Variants in NELL2 observed in about 807,000 individuals in gnomAD.
NELL2 encodes protein kinase C-binding protein NELL2.
NELL2 carries 41 observed loss-of-function variants against 109.6 expected under a neutral mutation model. The observed-to-expected ratio is 0.37, with a 90% CI of 0.29 to 0.49. The LOEUF (loss-of-function observed/expected upper bound fraction) is 0.49. Among genes scored for constraint, NELL2 ranks in the 20% least tolerant of loss-of-function variants. The pLI is 0.98. For missense variants in NELL2, 900 were observed against 1,008.3 expected (o/e 0.89, Z 1.45); for synonymous variants, 355 against 344.7 (o/e 1.03, Z -0.33).
At chr12:44,829,786 T>C (rs1361643825) in intron 2 of NELL2, among the ~76,000 whole-genome samples, 1 of 152,054 alleles carries the variant, frequency 6.6e-6, no homozygotes, top group Admixed American at 6.5e-5. Flanking sequence ...CCATAGATAG[T>C]ACCTGGTTAT....
intron 9 of NELL2, among the ~76,000 whole-genome samples, chr12:44,742,479 A>G (rs984297025): frequency 6.6e-6 from 1 of 152,230 alleles, no homozygotes; most frequent in African/African-American, 2.4e-5. Flanking sequence ...ACGAGTTGAG[A>G]GAAGAAGGCT....
intron 12 of NELL2, among the ~76,000 whole-genome samples, chr12:44,696,540 A>ATGAATGTTATGAAT (rs938207189): frequency 6.6e-6 from 1 of 152,250 alleles, no homozygotes; most frequent in African/African-American, 2.4e-5. Flanking sequence ...TTAATAAATA[A>ATGAATGTTATGAAT]TGAATGTTAT....
intron 15 of NELL2, among the ~76,000 whole-genome samples, chr12:44,538,966 T>C (rs767693757): frequency 6.6e-6 from 1 of 152,178 alleles, no homozygotes; most frequent in Non-Finnish European, 1.5e-5. Context: ...ATGTTCTTTT[T>C]CTCATCCTCT....
chr12:44,708,793 G>A (rs1938031070), intron 11 of NELL2, among the ~76,000 whole-genome samples: 1 of 152,134 alleles, frequency 6.6e-6, no homozygotes, highest in Admixed American at 6.6e-5. Flanking sequence ...AAATAGTAAT[G>A]CCAAGGCCCC....
At chr12:44,700,106 ACAT>A (rs1331894216) in intron 12 of NELL2, among the ~76,000 whole-genome samples, 38 of 152,272 alleles carry the variant, frequency 2.5e-4, no homozygotes, top group Middle Eastern at 3.4e-3. Context: ...AGCAGCACCA[ACAT>A]CTGCCTATTT....
At position 44,876,086 on chromosome 12, in the gene NELL2, C is replaced by A; in HGVS notation, c.-217G>T. ...TAGACCCTCCAATGCGCACATCATT[C>A]CCACACGCAGGGCCGAGGCGGCAGC... On this transcript the variant is annotated 5_prime_UTR_variant, in exon 1 of 20. Coordinates refer to ENST00000429094, the MANE Select transcript of NELL2 (RefSeq NM_001145108.2). 3 of 1,381,676 alleles carry A rather than the reference C, an allele frequency of 2.2e-6. No individual in the cohort carries two copies. Among genetic ancestry groups the A allele is most frequent in the Middle Eastern group, 2.7e-4 (1 of 3,644 alleles). The allele number at this position is 1,381,676 out of a possible 1,614,324, so 85.6% of individuals were successfully genotyped here. A position where few individuals can be genotyped will look rare whatever the true frequency, so the allele number is the denominator to read the frequency against.
At chr12:44,910,053 A>C (rs1945762335) in intron 1 of NELL2, among the ~76,000 whole-genome samples, 2 of 152,050 alleles carry the variant, frequency 1.3e-5, no homozygotes, top group South Asian at 4.1e-4. Flanking sequence ...AGGAAACACC[A>C]TTCTGGACAT....
chr12:44,638,280 C>A (rs1427979305), intron 13 of NELL2, among the ~76,000 whole-genome samples: 1 of 152,120 alleles, frequency 6.6e-6, no homozygotes, highest in Non-Finnish European at 1.5e-5. Flanking sequence ...TAGTTACTCA[C>A]TTGAATCTCA....
chr12:44,730,221 G>A (rs1171301417), intron 9 of NELL2, among the ~76,000 whole-genome samples: 2 of 152,050 alleles, frequency 1.3e-5, no homozygotes, highest in Non-Finnish European at 2.9e-5. Context: ...TTTTAATCAT[G>A]AATAGAAGAT....
In NELL2 at chr12:44,537,179, G is replaced by GCTCTTT. The variant is rs1383329059; in HGVS notation, c.1664-4459_1664-4458insAAAGAG. Among the ~76,000 whole-genome samples, 749 of 152,152 alleles carry GCTCTTT rather than the reference G, an allele frequency of 4.9e-3. 3 individuals carry two copies. The highest frequency in any genetic ancestry group is 0.015 in the African/African-American group (640 of 41,526). On this transcript the variant is annotated intron_variant, in intron 15 of 19. Coordinates refer to ENST00000429094, the MANE Select transcript of NELL2 (RefSeq NM_001145108.2). Reference sequence around the variant, plus strand: ...GCTTCAGAGGCAATCAACTGACAATGGCTTTTGCCAGCAGCATTTAAAGGG... The same window carrying GCTCTTT: ...GCTTCAGAGGCAATCAACTGACAATGCTCTTTGCTTTTGCCAGCAGCATTTAAAGGG...
chr12:44,799,600 A>G (rs904036269), intron 3 of NELL2, among the ~76,000 whole-genome samples: 2 of 152,138 alleles, frequency 1.3e-5, no homozygotes, highest in Non-Finnish European at 2.9e-5. Context: ...AATGTCCGAA[A>G]TGGTCATAAT....
chr12:44,703,671 T>A lies in NELL2; in HGVS notation c.1318+55A>T, dbSNP rs202025162. 285 of 1,593,464 alleles carry A rather than the reference T, an allele frequency of 1.8e-4. 1 individual carries two copies. The highest frequency in any genetic ancestry group is 3.5e-5 in the Non-Finnish European group (41 of 1,167,546). ...ACCTGGGAACTTAATAAATTTTGCA[T>A]GCAGTAATCCTAGAAAATTTATACA... On this transcript the variant is annotated intron_variant, in intron 12 of 19. Transcript: ENST00000429094.
intron 12 of NELL2, among the ~76,000 whole-genome samples, chr12:44,689,939 G>A (rs1054873770): frequency 3.9e-5 from 6 of 152,110 alleles, no homozygotes; most frequent in South Asian, 2.1e-4. Context: ...ATATATGATC[G>A]GAGATCGAAT....
chr12:44,858,568 A>G (rs1944747727), intron 2 of NELL2, among the ~76,000 whole-genome samples: 1 of 152,198 alleles, frequency 6.6e-6, no homozygotes, highest in Non-Finnish European at 1.5e-5. Context: ...CTCCTTCACT[A>G]ATCCTTTTTA....
At position 44,875,564 on chromosome 12, in the gene NELL2, C is replaced by A. The variant is rs2710427; in HGVS notation, c.56-211G>T. On this transcript the variant is annotated intron_variant, in intron 1 of 19. Coordinates refer to ENST00000429094, the MANE Select transcript of NELL2 (RefSeq NM_001145108.2). Reference sequence around the variant, plus strand: ...GCACCCAGTCCCGTTTCCATGACCTCCTTTAAACCCTTCTCTCTGCAAAGT... The same window carrying A: ...GCACCCAGTCCCGTTTCCATGACCTACTTTAAACCCTTCTCTCTGCAAAGT... 4.4e-3 allele frequency: 7,176 copies of A among 1,613,854 alleles called. 286 individuals are homozygous for A. The African/African-American group carries it at 0.081, about 18-fold the overall frequency.
At chr12:44,765,909 T>C (rs540530301) in intron 9 of NELL2, among the ~76,000 whole-genome samples, 13 of 152,158 alleles carry the variant, frequency 8.5e-5, no homozygotes, top group African/African-American at 3.1e-4. Context: ...CAGATCACTT[T>C]AGGTGTTTGA....
chr12:44,530,800 C>G (rs1325926293), intron 16 of NELL2, among the ~76,000 whole-genome samples: 1 of 152,142 alleles, frequency 6.6e-6, no homozygotes, highest in African/African-American at 2.4e-5. Flanking sequence ...CATAGGCAAG[C>G]CTTCAATATA....
chr12:44,791,091 A>ATG lies in NELL2; in HGVS notation c.336-11070_336-11069insCA, dbSNP rs1566403573. Among the ~76,000 whole-genome samples the ATG allele has an allele frequency of 8.7e-3, 127 of 14,648 alleles. 7 individuals carry two copies. Among genetic ancestry groups the ATG allele is most frequent in the African/African-American group, 0.018 (114 of 6,322 alleles). The allele number at this position is 14,648 out of a possible 152,430, so 9.6% of individuals were successfully genotyped here. On this transcript the variant is annotated intron_variant, in intron 3 of 19. Transcript: ENST00000429094. The stretch of plus-strand genomic sequence containing the variant: ...TATATATATATATATACATATATAT[A>ATG]TATATGTATATATATATGTATATAT...
chr12:44,535,341 A>C (rs1160041777), intron 15 of NELL2, among the ~76,000 whole-genome samples: 2 of 151,922 alleles, frequency 1.3e-5, no homozygotes, highest in East Asian at 3.9e-4. Context: ...AATTAAAAAA[A>C]CTCTTAAGTT....
Sources: gnomAD v4.1 joint callset for allele counts (sites outside exome capture counted in the v4.1 genomes callset) on GRCh38, gnomAD v4.1.1 for gene constraint, MANE v1.5 for transcripts, NCBI Gene and HGNC (gene_info 2026-07-23, HGNC 2026-07-21) for gene names.